SBNO1: variants seen among roughly 807,000 people sequenced by gnomAD.
The protein encoded by SBNO1 is protein strawberry notch homolog 1.
Under a neutral mutation model 173.6 loss-of-function variants are expected in SBNO1, and 23 were observed. That is an observed-to-expected ratio of 0.13 (90% CI 0.10 to 0.19). The LOEUF is 0.19. Among genes scored for constraint, SBNO1 ranks in the 10% least tolerant of loss-of-function variants. The probability of loss-of-function intolerance (pLI) is 1.00; values close to 1 mark genes in which losing one functional copy is unlikely to be tolerated. For missense variants in SBNO1, 1,238 were observed against 1,671.2 expected, an observed-to-expected ratio of 0.74 and a Z score of 4.52; for synonymous variants, 632 against 571.5, an observed-to-expected ratio of 1.11 and a Z score of -1.51.
At chr12:123,322,605 A>T (rs1870116676) in intron 16 of SBNO1, among the ~76,000 whole-genome samples, 1 of 151,710 alleles carries the variant, frequency 6.6e-6, no homozygotes, top group African/African-American at 2.4e-5. Flanking sequence ...CGAGAAGTCA[A>T]CTTCTAAAAC....
At chr12:123,346,246 A>C (rs1873120320) in intron 3 of SBNO1, among the ~76,000 whole-genome samples, 1 of 152,116 alleles carries the variant, frequency 6.6e-6, no homozygotes, top group South Asian at 2.1e-4. Flanking sequence ...CTCCCACCCC[A>C]ATCTCCCCAA....
chr12:123,345,659 T>C lies in SBNO1; in HGVS notation c.238-89A>G, dbSNP rs542541336. On this transcript the variant is annotated intron_variant, in intron 3 of 31. Coordinates refer to ENST00000602398, the MANE Select transcript of SBNO1 (RefSeq NM_001167856.3). ...ACAAACCTGGAAGGACAACTAAAAA[T>C]CTAAAATGCACTTTTATTATTGCTT... 7 of 1,102,620 alleles carry C rather than the reference T, an allele frequency of 6.3e-6. No homozygotes were observed. The South Asian group carries it at 1.1e-4, about 17-fold the overall frequency. The allele number at this position is 1,102,620 out of a possible 1,614,324, so 68.3% of individuals were successfully genotyped here.
intron 24 of SBNO1, among the ~76,000 whole-genome samples, chr12:123,311,748 A>ATTTTTTT (rs148426880): frequency 7.4e-6 from 1 of 134,370 alleles, no homozygotes; most frequent in African/African-American, 2.9e-5. Context: ...ATATATATAT[A>ATTTTTTT]TTTTTGCGAC....
chr12:123,318,835 T>G (rs758222838), intron 20 of SBNO1, among the ~76,000 whole-genome samples: 10 of 151,634 alleles, frequency 6.6e-5, no homozygotes, highest in Non-Finnish European at 1.2e-4. Context: ...TAAATCGTCT[T>G]AATATAACAT....
intron 20 of SBNO1, among the ~76,000 whole-genome samples, chr12:123,319,552 C>A (rs970590533): frequency 2.6e-5 from 4 of 152,008 alleles, no homozygotes; most frequent in African/African-American, 4.8e-5. Context: ...GGACTACAGG[C>A]ATGCACTACC....
Position 123,311,083 on chromosome 12 carries a change from A to T in SBNO1, c.3267T>A (p.Asp1089Glu), listed in dbSNP as rs571748081. ...LIGVGLINVEDRSGILTLDKD... is the reference protein window; with the variant it reads ...LIGVGLINVEERSGILTLDKD... The stretch of plus-strand genomic sequence containing the variant: ...TATCGAGAGTAAGAATTCCCGAGCG[A>T]TCTTCTACATTTATCAGGCCAACGC... Residue 1089 changes from aspartate (D) to glutamate (E), a missense_variant, in exon 25 of 32, where the codon GAT becomes GAA. Physicochemically the swap from Asp to Glu is conservative, Grantham distance 45. Coordinates refer to ENST00000602398, the MANE Select transcript of SBNO1 (RefSeq NM_001167856.3). 2 of 1,613,658 alleles carry T rather than the reference A, an allele frequency of 1.2e-6. No homozygotes were observed. Among genetic ancestry groups the T allele is most frequent in the African/African-American group, 2.7e-5 (2 of 75,046 alleles).
rs2138844196 is a variant in SBNO1 at position 123,289,390 on chromosome 12, C to T, written c.*6518G>A. ...ATGCAGCAATGCAGTATCATTGGAA[C>T]AGGGCGCACCCTTCACACACTGATG... On this transcript the variant is annotated 3_prime_UTR_variant, in exon 32 of 32. Transcript: ENST00000602398. 6.6e-6 allele frequency: 1 copy of T among 152,386 alleles called. No homozygotes were observed. Among genetic ancestry groups the T allele is most frequent in the South Asian group, 2.1e-4 (1 of 4,834 alleles). 9.4% of individuals were successfully genotyped at this position (152,386 alleles called of 1,614,324 possible).
At chr12:123,341,650 T>G (rs1872584289) in intron 4 of SBNO1, among the ~76,000 whole-genome samples, 2 of 151,916 alleles carry the variant, frequency 1.3e-5, no homozygotes, top group Admixed American at 6.6e-5. Flanking sequence ...GACCCCCAAG[T>G]AGCTGGGATT....
At position 123,364,606 on chromosome 12, in the gene SBNO1, C is replaced by T. The variant is rs1875908258; in HGVS notation, c.-1+95G>A. 4.1e-6 allele frequency: 4 copies of T among 971,294 alleles called. No homozygotes were observed. In the East Asian group the frequency reaches 3.6e-4, roughly 87 times the overall value. 60.2% of individuals were successfully genotyped at this position (971,294 alleles called of 1,614,324 possible). On this transcript the variant is annotated intron_variant, in intron 1 of 31. Transcript: ENST00000602398. ...AAGCCGGGGCGAGGTGGCTGTCCCC[C>T]CAGCCTGGCCCCGCACGGCCCCCCG...
chr12:123,317,997 T>C (rs957244476), intron 20 of SBNO1, among the ~76,000 whole-genome samples: 4 of 152,236 alleles, frequency 2.6e-5, no homozygotes, highest in Non-Finnish European at 5.9e-5. Flanking sequence ...GGTCTCACTC[T>C]GTCACACAAG....
Position 123,309,860 on chromosome 12 carries a change from T to A in SBNO1, c.3296-4A>T. 1.3e-6 allele frequency: 2 copies of A among 1,574,108 alleles called. No individual in the cohort carries two copies. Among genetic ancestry groups the A allele is most frequent in the Non-Finnish European group, 1.7e-6 (2 of 1,161,488 alleles). On this transcript the variant is annotated splice_polypyrimidine_tract_variant and splice_region_variant and intron_variant, in intron 25 of 31. Coordinates refer to ENST00000602398, the MANE Select transcript of SBNO1 (RefSeq NM_001167856.3). ...AATTTTCCTATGTTGTTATAATCTG[T>A]AATGACAAAAGATAAACGTTTTCAT...
intron 5 of SBNO1, among the ~76,000 whole-genome samples, chr12:123,340,360 T>C (rs1237790943): frequency 4.6e-5 from 7 of 151,960 alleles, no homozygotes; most frequent in Non-Finnish European, 1.0e-4. Context: ...GCGGGCAGAT[T>C]ACCTGAGGTC....
At chr12:123,363,341 C>G (rs1390153387) in intron 1 of SBNO1, among the ~76,000 whole-genome samples, 1 of 152,156 alleles carries the variant, frequency 6.6e-6, no homozygotes, top group African/African-American at 2.4e-5. Context: ...AAAATCAATT[C>G]TGATTGCTAG....
intron 31 of SBNO1, among the ~76,000 whole-genome samples, chr12:123,296,510 T>A (rs911651889): frequency 2.6e-5 from 4 of 152,094 alleles, no homozygotes; most frequent in Admixed American, 6.5e-5. Context: ...GCATGTAGGA[T>A]TGAAGGCTCA....
intron 17 of SBNO1, among the ~76,000 whole-genome samples, chr12:123,321,156 C>T (rs1869924047): frequency 6.6e-6 from 1 of 152,124 alleles, no homozygotes; most frequent in Non-Finnish European, 1.5e-5. Flanking sequence ...TCAGGCTGAT[C>T]TCGAACTCCC....
rs1226906417 is a variant in SBNO1, at chr12:123,323,652, C to T, written c.2125+28G>A. ...TACAGGTGTGAGCCACCGCACCTGGCCTATTTTTTCTTTTTTAAAGTGCTC... is the reference window on the plus strand; with the variant it reads ...TACAGGTGTGAGCCACCGCACCTGGTCTATTTTTTCTTTTTTAAAGTGCTC... On this transcript the variant is annotated intron_variant, in intron 16 of 31. Coordinates refer to ENST00000602398, the MANE Select transcript of SBNO1 (RefSeq NM_001167856.3). 2.6e-6 allele frequency: 4 copies of T among 1,564,312 alleles called. No homozygotes were observed. The South Asian group carries it at 3.5e-5, about 14-fold the overall frequency.
At chr12:123,353,276 A>G (rs994079197) in intron 1 of SBNO1, among the ~76,000 whole-genome samples, 1 of 152,210 alleles carries the variant, frequency 6.6e-6, no homozygotes, top group African/African-American at 2.4e-5. Context: ...AATATAATTT[A>G]AGAGCTGAAA....
At chr12:123,364,601 T>TC (rs1389116067) in intron 1 of SBNO1, 100 bp downstream of exon 1, 5 of 977,162 alleles carry the variant, frequency 5.1e-6, no homozygotes, top group Non-Finnish European at 6.0e-6. Flanking sequence ...GAGGTGGCTG[T>TC]CCCCCCAGCC....
chr12:123,326,990 GTTTGTTTTTGTTTTTTGTT>G (rs1870682826), intron 13 of SBNO1, among the ~76,000 whole-genome samples: 1 of 152,104 alleles, frequency 6.6e-6, no homozygotes, highest in East Asian at 1.9e-4. Flanking sequence ...TAACTCATCT[GTTTGTTTTTGTTTTTTGTT>G]TTTGTTTTTG....
Sources: allele counts gnomAD v4.1 joint callset (sites outside exome capture counted in the v4.1 genomes callset), GRCh38; gene constraint gnomAD v4.1.1; transcripts MANE v1.5; gene names NCBI Gene and HGNC (gene_info 2026-07-23, HGNC 2026-07-21).